SNX3: variants seen among roughly 807,000 people sequenced by gnomAD.
SNX3 encodes the protein sorting nexin 3.
Under a neutral mutation model 17.7 loss-of-function variants are expected in SNX3, and 5 were observed. That is an observed-to-expected ratio of 0.28 (90% CI 0.15 to 0.59). The LOEUF is 0.59. Among genes scored for constraint, SNX3 ranks in the 20% least tolerant of loss-of-function variants. The pLI, the probability that SNX3 is intolerant of heterozygous loss-of-function variation, is 0.88. For synonymous variants in SNX3, 91 were observed against 76.5 expected (o/e 1.19, Z -0.99); for missense variants, 132 against 206.8 (o/e 0.64, Z 2.22).
intron 1 of SNX3, among the ~76,000 whole-genome samples, chr6:108,228,231 C>A (rs147648177): frequency 0.035 from 5,265 of 151,992 alleles, 171 homozygotes; most frequent in South Asian, 0.17. Flanking sequence ...ATGGTGAGAC[C>A]CCCATCTCTA....
At chr6:108,245,740 T>C (rs1343184774) in intron 1 of SNX3, among the ~76,000 whole-genome samples, 2 of 152,260 alleles carry the variant, frequency 1.3e-5, no homozygotes, top group African/African-American at 2.4e-5. Context: ...GTTGGCCGCA[T>C]AAATGTCTTC....
At position 108,212,082 on chromosome 6, in the gene SNX3, G is replaced by C; in HGVS notation, c.*67C>G. On this transcript the variant is annotated 3_prime_UTR_variant, in exon 4 of 4. Transcript: ENST00000230085. ...CCAGTTTCTGTGCAGCATGCTAAAAGTTAGAACTTCTTCACTGGTGCTTAT... is the reference window on the plus strand; with the variant it reads ...CCAGTTTCTGTGCAGCATGCTAAAACTTAGAACTTCTTCACTGGTGCTTAT... 2.5e-6 allele frequency: 2 copies of C among 805,232 alleles called. No homozygotes were observed. The highest frequency in any genetic ancestry group is 4.1e-6 in the Non-Finnish European group (2 of 486,816). The allele number at this position is 805,232 out of a possible 1,614,324, so 49.9% of individuals were successfully genotyped here.
chr6:108,252,767 G>A lies in SNX3; in HGVS notation c.162+7993C>T, dbSNP rs561652833. Among the ~76,000 whole-genome samples the A allele has an allele frequency of 4.1e-4, 63 of 152,056 alleles. No individual in the cohort carries two copies. In the South Asian group the frequency reaches 0.012, roughly 30 times the overall value. On this transcript the variant is annotated intron_variant, in intron 1 of 3. Coordinates refer to ENST00000230085, the MANE Select transcript of SNX3 (RefSeq NM_003795.6). Reference sequence around the variant, plus strand: ...CAATCTTTGTGCCTCAGCCCCCTGAGTAGCTGGGATTATAGGCATGCACCA... The same window carrying A: ...CAATCTTTGTGCCTCAGCCCCCTGAATAGCTGGGATTATAGGCATGCACCA...
intron 1 of SNX3, among the ~76,000 whole-genome samples, chr6:108,223,495 TTC>T: frequency 3.4e-5 from 4 of 116,258 alleles, no homozygotes; most frequent in African/African-American, 1.4e-4. Context: ...ACTTTGCTAG[TTC>T]TTTTTTTTTT....
chr6:108,258,536 G>A (rs1311466288), intron 1 of SNX3, among the ~76,000 whole-genome samples: 1 of 152,090 alleles, frequency 6.6e-6, no homozygotes, highest in African/African-American at 2.4e-5. Flanking sequence ...CTGAGATAGG[G>A]TCTCATTCTG....
intron 1 of SNX3, among the ~76,000 whole-genome samples, chr6:108,223,283 C>A (rs1009391648): frequency 6.6e-6 from 1 of 151,986 alleles, no homozygotes; most frequent in South Asian, 2.1e-4. Flanking sequence ...GGATTACAGG[C>A]ACCCACCATC....
At chr6:108,236,384 T>TATTATTA (rs1390557051) in intron 1 of SNX3, among the ~76,000 whole-genome samples, 1 of 109,954 alleles carries the variant, frequency 9.1e-6, no homozygotes, top group African/African-American at 4.3e-5. Flanking sequence ...TATTATTTTT[T>TATTATTA]TTTTTTTTTT....
chr6:108,230,668 C>T (rs900317819), intron 1 of SNX3, among the ~76,000 whole-genome samples: 8 of 152,158 alleles, frequency 5.3e-5, no homozygotes, highest in Admixed American at 2.6e-4. Flanking sequence ...CTGCAAATCA[C>T]GTTTCATCAT....
At chr6:108,257,133 T>C (rs139441413) in intron 1 of SNX3, among the ~76,000 whole-genome samples, 198 of 152,320 alleles carry the variant, frequency 1.3e-3, no homozygotes, top group African/African-American at 4.5e-3. Flanking sequence ...GCCCAAATTC[T>C]GGAACATAAA....
intron 1 of SNX3, among the ~76,000 whole-genome samples, chr6:108,224,247 G>C (rs1000099889): frequency 1.1e-4 from 16 of 151,906 alleles, no homozygotes; most frequent in African/African-American, 3.9e-4. Context: ...GGGACTGCAG[G>C]GTCATACCAC....
chr6:108,239,354 AGCCAGGT>A (rs1340653722), intron 1 of SNX3, among the ~76,000 whole-genome samples: 1 of 152,184 alleles, frequency 6.6e-6, no homozygotes, highest in African/African-American at 2.4e-5. Flanking sequence ...CTTTAAAATG[AGCCAGGT>A]GCAGTGGCTC....
rs148584300 is a variant in SNX3 at position 108,252,772 on chromosome 6, T to G, written c.162+7988A>C. ...TTTGTGCCTCAGCCCCCTGAGTAGC[T>G]GGGATTATAGGCATGCACCACCACA... is the stretch of plus-strand genomic sequence containing the variant. On this transcript the variant is annotated intron_variant, in intron 1 of 3. Transcript: ENST00000230085. Among the ~76,000 whole-genome samples, 866 of 152,124 alleles carry G rather than the reference T, an allele frequency of 5.7e-3. 3 individuals carry two copies. The highest frequency in any genetic ancestry group is 8.2e-3 in the Non-Finnish European group (556 of 67,982).
chr6:108,241,559 T>A (rs1276764927), intron 1 of SNX3, among the ~76,000 whole-genome samples: 2 of 152,040 alleles, frequency 1.3e-5, no homozygotes, highest in Non-Finnish European at 2.9e-5. Flanking sequence ...CAGTCATTTC[T>A]GACCACTGAG....
intron 1 of SNX3, among the ~76,000 whole-genome samples, chr6:108,231,165 C>T (rs1001448597): frequency 6.6e-5 from 10 of 151,310 alleles, no homozygotes; most frequent in South Asian, 4.2e-4. Context: ...AGTGCAATGG[C>T]GCGATGTCGG....
At chr6:108,221,522 CAGTATTACACTTTTTTTTTTT>C (rs1774770741) in intron 2 of SNX3, among the ~76,000 whole-genome samples, 1 of 127,416 alleles carries the variant, frequency 7.8e-6, no homozygotes, top group African/African-American at 2.8e-5. Flanking sequence ...ACAAGGAATA[CAGTATTACACTTTTTTTTTTT>C]TTTTTTTTTT....
At chr6:108,251,510 T>C (rs1775858275) in intron 1 of SNX3, among the ~76,000 whole-genome samples, 1 of 152,192 alleles carries the variant, frequency 6.6e-6, no homozygotes, top group African/African-American at 2.4e-5. Flanking sequence ...CCTGGTTGTG[T>C]CCTTCAAGGG....
intron 1 of SNX3, among the ~76,000 whole-genome samples, chr6:108,240,004 A>G (rs1332083691): frequency 6.6e-6 from 1 of 152,250 alleles, no homozygotes; most frequent in Non-Finnish European, 1.5e-5. Flanking sequence ...AAAGAAAGGT[A>G]TAAAGTAAAA....
intron 2 of SNX3, among the ~76,000 whole-genome samples, chr6:108,215,512 T>C (rs1405795059): frequency 6.6e-6 from 1 of 152,210 alleles, no homozygotes; most frequent in Admixed American, 6.5e-5. Flanking sequence ...AAATGCCCTA[T>C]CCTGCTGTCT....
chr6:108,229,569 G>A (rs961851591), intron 1 of SNX3, among the ~76,000 whole-genome samples: 4 of 152,006 alleles, frequency 2.6e-5, no homozygotes, highest in African/African-American at 9.7e-5. Flanking sequence ...CACTGCGTAC[G>A]GCCAGTCAGG....
Sources: allele counts gnomAD v4.1 joint callset (sites outside exome capture counted in the v4.1 genomes callset), GRCh38; gene constraint gnomAD v4.1.1; transcripts MANE v1.5; gene names NCBI Gene and HGNC (gene_info 2026-07-23, HGNC 2026-07-21).